The following ZNF182 variants were observed in gnomAD, a reference collection of about 807,000 sequenced individuals.
The protein encoded by ZNF182 is zinc finger protein 182, also known as zinc finger protein 21 (KOX 14).
In ZNF182, 10 loss-of-function variants were observed where a neutral mutation model predicts 28.1. The ratio of observed to expected loss-of-function variants is 0.36; its 90% CI spans 0.22 to 0.60. The LOEUF (loss-of-function observed/expected upper bound fraction) is 0.60. Ranked by LOEUF, ZNF182 falls within the 20% of genes least tolerant of loss-of-function variation. ZNF182 has a pLI of 0.75. For synonymous variants in ZNF182, 156 were observed against 158.7 expected (o/e 0.98, Z 0.13); for missense variants, 352 against 453.2 (o/e 0.78, Z 2.03).
Position 47,977,426 on chromosome X carries a change from G to C in ZNF182, c.604C>G (p.Leu202Val), listed in dbSNP as rs1556898420. 1 of 1,210,087 alleles carries C rather than the reference G, an allele frequency of 8.3e-7. No homozygotes were observed. The highest frequency in any genetic ancestry group is 1.8e-5 in the South Asian group (1 of 56,427). ...TTTTTAATTCTCTGATGTAGACTAA[G>C]GCCTTTCTTTCGCCTAAGACCTTTC... is the stretch of plus-strand genomic sequence containing the variant. ...CGKGLRRKKG[L>V]SLHQRIKNGE... is the part of the protein sequence containing the mutation. The change falls in exon 6 of 6, where the codon CTT (leucine) becomes GTT (valine). Residue 202 changes from leucine (L) to valine (V), a missense_variant. Physicochemically the swap from Leu to Val is conservative, Grantham distance 32. Coordinates refer to ENST00000376943, the MANE Select transcript of ZNF182 (RefSeq NM_001007088.2).
chrX:47,985,407 C>T (rs1233446942), intron 3 of ZNF182, among the ~76,000 whole-genome samples: 1 of 111,292 alleles, frequency 9.0e-6, no homozygotes, highest in Non-Finnish European at 1.9e-5. Context: ...GAAAATATAT[C>T]TATATTTTCC....
At chrX:47,978,213 G>A (rs976194436) in intron 5 of ZNF182, among the ~76,000 whole-genome samples, 4 of 111,048 alleles carry the variant, frequency 3.6e-5, no homozygotes, top group Admixed American at 2.9e-4. Flanking sequence ...GACTGCAAGC[G>A]CGAGCCACCA....
At chrX:47,994,520 G>A (rs1603227598) in intron 3 of ZNF182, among the ~76,000 whole-genome samples, 1 of 112,016 alleles carries the variant, frequency 8.9e-6, no homozygotes, top group East Asian at 2.8e-4. Flanking sequence ...ACATAGGGAG[G>A]AGAAAGGGAA....
intron 3 of ZNF182, among the ~76,000 whole-genome samples, chrX:47,997,498 A>C (rs2058963183): frequency 9.0e-6 from 1 of 110,510 alleles, no homozygotes. Flanking sequence ...ACATAAGGAT[A>C]AAAAAATTCA....
rs143468234 is a variant in ZNF182, at chrX:47,993,060, T to C, written c.15+9535A>G. Among the ~76,000 whole-genome samples, 1,100 of 113,052 alleles carry C rather than the reference T, an allele frequency of 9.7e-3. 17 individuals are homozygous for C. The highest frequency in any genetic ancestry group is 0.034 in the African/African-American group (1,060 of 31,155). ...AAAGCCAAGCACATTATTAGAAGGT[T>C]AGAACTTTCAGGCCCACCCCCAGAC... On this transcript the variant is annotated intron_variant, in intron 3 of 5. Coordinates refer to ENST00000376943, the MANE Select transcript of ZNF182 (RefSeq NM_001007088.2).
chrX:47,986,099 A>C (rs1184351989), intron 3 of ZNF182, among the ~76,000 whole-genome samples: 1 of 112,443 alleles, frequency 8.9e-6, no homozygotes, highest in Non-Finnish European at 1.9e-5. Context: ...CAATCCAGGC[A>C]GGATTACAAA....
intron 5 of ZNF182, among the ~76,000 whole-genome samples, chrX:47,982,723 G>A (rs2058910218): frequency 9.0e-6 from 1 of 111,416 alleles, no homozygotes; most frequent in African/African-American, 3.3e-5. Context: ...AAGGAACTGT[G>A]CAGAAACTTG....
intron 3 of ZNF182, among the ~76,000 whole-genome samples, chrX:47,987,960 C>T (rs1202153179): frequency 9.0e-6 from 1 of 111,482 alleles, no homozygotes; most frequent in East Asian, 2.8e-4. Flanking sequence ...CCTACCAAAG[C>T]CTTAAAATTC....
At chrX:47,993,898 C>T (rs1022452933) in intron 3 of ZNF182, among the ~76,000 whole-genome samples, 1 of 110,589 alleles carries the variant, frequency 9.0e-6, no homozygotes, top group South Asian at 3.8e-4. Context: ...GGGACTATAA[C>T]AGAAGATCCA....
chrX:47,992,739 T>C (rs1428173505), intron 3 of ZNF182, among the ~76,000 whole-genome samples: 2 of 111,451 alleles, frequency 1.8e-5, no homozygotes, highest in Admixed American at 1.9e-4. Context: ...CTGTGTTCTG[T>C]TGAGTTGCCT....
chrX:48,002,662 A>C lies in ZNF182; in HGVS notation c.-44-9T>G. ...GATGTGTGACGGCCGAGCTGGAACAAGTGGAGAAGAGTACAGCAGATGAGG... is the reference window on the plus strand; with the variant it reads ...GATGTGTGACGGCCGAGCTGGAACACGTGGAGAAGAGTACAGCAGATGAGG... On this transcript the variant is annotated splice_polypyrimidine_tract_variant and intron_variant, in intron 2 of 5. Transcript: ENST00000376943. 8.4e-7 allele frequency: 1 copy of C among 1,196,023 alleles called. No homozygotes were observed.
Position 47,975,057 on chromosome X carries a change from T to A in ZNF182, c.*1110A>T, listed in dbSNP as rs1327514048. ...GAGATAACTTATGAATTCACAATTA[T>A]GTACTTACCATTTTTCTCCTTTTTA... is the stretch of plus-strand genomic sequence containing the variant. On this transcript the variant is annotated 3_prime_UTR_variant, in exon 6 of 6. Coordinates refer to ENST00000376943, the MANE Select transcript of ZNF182 (RefSeq NM_001007088.2). 9.0e-6 allele frequency: 1 copy of A among 111,631 alleles called. No homozygotes were observed. The highest frequency in any genetic ancestry group is 1.9e-5 in the Non-Finnish European group (1 of 53,152). The allele number at this position is 111,631 out of a possible 1,213,427, so 9.2% of individuals were successfully genotyped here. A position where few individuals can be genotyped will look rare whatever the true frequency, so the allele number is the denominator to read the frequency against.
intron 3 of ZNF182, among the ~76,000 whole-genome samples, chrX:47,987,342 TA>T (rs1203835756): frequency 9.0e-6 from 1 of 111,648 alleles, no homozygotes; most frequent in Non-Finnish European, 1.9e-5. Context: ...AGGCTAAAAG[TA>T]AAGGGATAGG....
At chrX:48,002,697 C>G (rs1051647604) in intron 2 of ZNF182, 44 bp from the exon 3 acceptor site, 5 of 1,099,468 alleles carry the variant, frequency 4.5e-6, no homozygotes, top group Admixed American at 2.4e-5. Context: ...GAGACCCCAT[C>G]AGACTTTCAG....
At chrX:47,979,281 T>C (rs901504948) in intron 5 of ZNF182, among the ~76,000 whole-genome samples, 5 of 111,962 alleles carry the variant, frequency 4.5e-5, no homozygotes, top group African/African-American at 1.6e-4. Context: ...AGCTAAGCAT[T>C]AGTTCTTAAC....
rs1556898067 is a variant in ZNF182 at position 47,976,245 on chromosome X, A to G, written c.1785T>C (p.Ile595=). 8.3e-7 allele frequency: 1 copy of G among 1,199,508 alleles called. No individual in the cohort carries two copies. The part of the protein sequence containing the change: ...GKAFTQKSNL[I]VHQRTHAGKK... ...TTCCTGCATGGGTTCGCTGATGTAC[A>G]ATAAGGTTTGATTTTTGGGTAAAGG... The change falls in exon 6 of 6, where the codon ATT becomes ATC. Residue 595 remains isoleucine (I), a synonymous_variant. Transcript: ENST00000376943.
chrX:47,982,951 G>A lies in ZNF182; in HGVS notation c.230C>T (p.Pro77Leu), dbSNP rs1603225212. ...AEGKIPFWNF[P>L]EVCQVDEQIE... ...GCCTGGGTCAAAATTCCACTTACCT[G>A]GAAAGTTCCAAAATGGGATTTTTCC... is the stretch of plus-strand genomic sequence containing the variant. Residue 77 changes from proline to leucine, a missense_variant and splice_region_variant, in exon 5 of 6, where the codon CCA becomes CTA. Physicochemically the swap from Pro to Leu is moderately conservative, Grantham distance 98 (BLOSUM62 -3). Coordinates refer to ENST00000376943, the MANE Select transcript of ZNF182 (RefSeq NM_001007088.2). The A allele has an allele frequency of 8.3e-7, 1 of 1,210,370 alleles. No individual in the cohort carries two copies.
intron 3 of ZNF182, among the ~76,000 whole-genome samples, chrX:47,995,247 G>A (rs924964977): frequency 4.5e-5 from 5 of 110,751 alleles, no homozygotes; most frequent in Middle Eastern, 4.7e-3. Flanking sequence ...CAGAAGAATC[G>A]CTTGAACCCA....
chrX:47,976,833 A>G lies in ZNF182; in HGVS notation c.1197T>C (p.Ile399=). 8.3e-7 allele frequency: 1 copy of G among 1,209,379 alleles called. No individual in the cohort carries two copies. The highest frequency in any genetic ancestry group is 1.8e-5 in the South Asian group (1 of 56,365). The change falls in exon 6 of 6, where the codon ATT becomes ATC. Residue 399 remains isoleucine, a synonymous_variant. Transcript: ENST00000376943. ...GKSFNEKSTL[I]VHQRTHTGEK... is the part of the protein sequence containing the mutation. ...CTCCTGTATGAGTTCTTTGATGCACAATGAGGGTTGACTTCTCATTGAAAG... is the reference window on the plus strand; with the variant it reads ...CTCCTGTATGAGTTCTTTGATGCACGATGAGGGTTGACTTCTCATTGAAAG...
Sources: allele counts gnomAD v4.1 joint callset (sites outside exome capture counted in the v4.1 genomes callset), GRCh38; gene constraint gnomAD v4.1.1; transcripts MANE v1.5; gene names NCBI Gene and HGNC (gene_info 2026-07-23, HGNC 2026-07-21).